The following RABGEF1 variants were observed in gnomAD, a reference collection of about 807,000 sequenced individuals.
RABGEF1 encodes the protein RAB guanine nucleotide exchange factor 1, also known as rab5 GDP/GTP exchange factor.
Under a neutral mutation model 57.3 loss-of-function variants are expected in RABGEF1, and 26 were observed. The observed-to-expected ratio is 0.45, with a 90% CI of 0.33 to 0.63. The LOEUF (loss-of-function observed/expected upper bound fraction) is 0.63, where lower values mean the gene tolerates loss of function less well. Ranked by LOEUF, RABGEF1 falls within the 20% of genes least tolerant of loss-of-function variation. RABGEF1 has a pLI of 0.02. For missense variants in RABGEF1, 464 were observed against 607.6 expected, an observed-to-expected ratio of 0.76 and a Z score of 2.48; for synonymous variants, 185 against 210.7, an observed-to-expected ratio of 0.88 and a Z score of 1.06.
intron 3 of RABGEF1, among the ~76,000 whole-genome samples, chr7:66,779,065 A>T (rs992336167): frequency 6.6e-6 from 1 of 152,156 alleles, no homozygotes; most frequent in Non-Finnish European, 1.5e-5. Flanking sequence ...CAGTGAGCTG[A>T]GATCGTGCCA....
chr7:66,761,032 C>G (rs1467570303), intron 1 of RABGEF1, among the ~76,000 whole-genome samples: 1 of 152,108 alleles, frequency 6.6e-6, no homozygotes, highest in East Asian at 1.9e-4. Context: ...TTTAGTTTTT[C>G]TTCTTTCAAC....
At chr7:66,746,568 C>T (rs1012481764) in intron 1 of RABGEF1, among the ~76,000 whole-genome samples, 2 of 148,366 alleles carry the variant, frequency 1.3e-5, no homozygotes, top group African/African-American at 4.9e-5. Context: ...CGATTACAGG[C>T]GTGAGCCACC....
chr7:66,717,923 A>T (rs1795587092), intron 2 of RABGEF1, among the ~76,000 whole-genome samples: 1 of 152,198 alleles, frequency 6.6e-6, no homozygotes, highest in Non-Finnish European at 1.5e-5. Flanking sequence ...TACTGAACTC[A>T]TTGAGTTAAT....
the RABGEF1 span, among the ~76,000 whole-genome samples, chr7:66,662,747 ACGTGTGTGCAGGTGTGTATGTACAGC>A: frequency 6.7e-6 from 1 of 150,056 alleles, no homozygotes; most frequent in Non-Finnish European, 1.5e-5. Context: ...GTGTGCAGGC[ACGTGTGTGCAGGTGTGTATGTACAGC>A]CGTGTGTGCA....
At chr7:66,754,398 A>G (rs1452267100) in intron 1 of RABGEF1, among the ~76,000 whole-genome samples, 1 of 149,194 alleles carries the variant, frequency 6.7e-6, no homozygotes, top group Non-Finnish European at 1.5e-5. Context: ...AAGCCATCAT[A>G]CTTTAATATC....
In RABGEF1 at chr7:66,701,436, C is replaced by G. The variant is rs376173944; in HGVS notation, c.-872-10731C>G. ...AGGATCTGAGCCCAGGAGGTTGAGG[C>G]TGCAGGGAGCTGTGATTGTACCAGC... On this transcript the variant is annotated intron_variant and NMD_transcript_variant, in intron 1 of 9. Transcript: ENST00000607882. 7.9e-5 allele frequency among the ~76,000 whole-genome samples: 12 copies of G among 151,134 alleles called. No individual in the cohort carries two copies. The East Asian group carries it at 1.4e-3, about 17-fold the overall frequency.
chr7:66,656,448 A>G, the RABGEF1 span, among the ~76,000 whole-genome samples: 9 of 152,198 alleles, frequency 5.9e-5, no homozygotes, highest in African/African-American at 2.2e-4. Context: ...AGTGCAGGAC[A>G]GAGATCTAGA....
chr7:66,799,501 A>G (rs1347875052), intron 7 of RABGEF1, 87 bp downstream of exon 7: 1 of 1,115,948 alleles, frequency 9.0e-7, no homozygotes, highest in Non-Finnish European at 1.3e-6. Flanking sequence ...CATTTGTAAA[A>G]TGCAGATTGT....
intron 1 of RABGEF1, among the ~76,000 whole-genome samples, chr7:66,751,718 T>C (rs1487863629): frequency 2.6e-5 from 4 of 152,218 alleles, no homozygotes; most frequent in Non-Finnish European, 5.9e-5. Context: ...GGTTTTATAC[T>C]GTCATATTTG....
At chr7:66,761,048 A>T (rs1804200305) in intron 1 of RABGEF1, among the ~76,000 whole-genome samples, 1 of 152,242 alleles carries the variant, frequency 6.6e-6, no homozygotes, top group South Asian at 2.1e-4. Flanking sequence ...TCAACAAAGA[A>T]TTGAGAACCT....
At chr7:66,713,080 G>A (rs765878210) in intron 2 of RABGEF1, among the ~76,000 whole-genome samples, 31 of 151,834 alleles carry the variant, frequency 2.0e-4, no homozygotes, top group Non-Finnish European at 4.1e-4. Flanking sequence ...TTCCCAAAGT[G>A]CTGGGATTAT....
At chr7:66,776,410 A>C (rs1339620370) in intron 3 of RABGEF1, among the ~76,000 whole-genome samples, 2 of 152,222 alleles carry the variant, frequency 1.3e-5, no homozygotes, top group African/African-American at 4.8e-5. Context: ...CATGGATACC[A>C]GACCTGGTGC....
chr7:66,681,249 T>G (rs62466123), upstream of RABGEF1, among the ~76,000 whole-genome samples: 6,005 of 152,308 alleles, frequency 0.039, 166 homozygotes, highest in East Asian at 0.085. Flanking sequence ...CATCCAGGAC[T>G]CAGAGCAATC....
At chr7:66,662,120 T>A in the RABGEF1 span, among the ~76,000 whole-genome samples, 105 of 151,942 alleles carry the variant, frequency 6.9e-4, no homozygotes, top group Non-Finnish European at 1.3e-3. Context: ...ACACCTGTAG[T>A]CCCAGCTACT....
chr7:66,676,056 C>G, the RABGEF1 span, among the ~76,000 whole-genome samples: 1 of 152,142 alleles, frequency 6.6e-6, no homozygotes, highest in Non-Finnish European at 1.5e-5. Flanking sequence ...CATGGTGGCT[C>G]AAGCCTCTAA....
At chr7:66,716,561 A>T (rs1351229344) in intron 2 of RABGEF1, among the ~76,000 whole-genome samples, 1 of 152,210 alleles carries the variant, frequency 6.6e-6, no homozygotes, top group African/African-American at 2.4e-5. Flanking sequence ...AGATGGCACC[A>T]CTGCACTCCA....
At chr7:66,658,170 T>TAACC in the RABGEF1 span, among the ~76,000 whole-genome samples, 1 of 152,106 alleles carries the variant, frequency 6.6e-6, no homozygotes, top group African/African-American at 2.4e-5. Flanking sequence ...GCAAATTGAA[T>TAACC]AACCAAATGA....
chr7:66,745,933 C>T (rs1243499279), intron 1 of RABGEF1, among the ~76,000 whole-genome samples: 1 of 152,150 alleles, frequency 6.6e-6, no homozygotes, highest in Non-Finnish European at 1.5e-5. Context: ...GCACTACAGC[C>T]TGAGTGACAG....
chr7:66,656,019 C>T, the RABGEF1 span, among the ~76,000 whole-genome samples: 1 of 152,180 alleles, frequency 6.6e-6, no homozygotes, highest in African/African-American at 2.4e-5. Context: ...TCGGGGAATA[C>T]TTTCTGCATG....
Sources: allele counts gnomAD v4.1 joint callset (sites outside exome capture counted in the v4.1 genomes callset), GRCh38; gene constraint gnomAD v4.1.1; transcripts MANE v1.5; gene names NCBI Gene and HGNC (gene_info 2026-07-23, HGNC 2026-07-21).